RAB1A: variants seen among roughly 807,000 people sequenced by gnomAD.
The protein encoded by RAB1A is RAB1A, member RAS oncogene family, also known as ras-related protein Rab-1A.
RAB1A carries 2 observed loss-of-function variants against 26.0 expected under a neutral mutation model. That is an observed-to-expected ratio of 0.08 (90% CI 0.03 to 0.24). RAB1A has a LOEUF of 0.24. Ranked by LOEUF, RAB1A falls within the 10% of genes least tolerant of loss-of-function variation. The pLI, the probability that RAB1A is intolerant of heterozygous loss-of-function variation, is 1.00. For synonymous variants in RAB1A, 84 were observed against 84.9 expected, an observed-to-expected ratio of 0.99 and a Z score of 0.06; for missense variants, 100 against 247.0, an observed-to-expected ratio of 0.40 and a Z score of 3.99.
intron 2 of RAB1A, among the ~76,000 whole-genome samples, chr2:65,104,405 A>G (rs938423504): frequency 6.6e-6 from 1 of 152,120 alleles, no homozygotes; most frequent in African/African-American, 2.4e-5. Flanking sequence ...TAATTTAAAG[A>G]TTTATTTTCA....
At chr2:65,114,161 T>G (rs756928554) in intron 1 of RAB1A, 2 of 451,156 alleles carry the variant, frequency 4.4e-6, no homozygotes, top group African/African-American at 4.1e-5. Context: ...AATATACTGT[T>G]TTCTTCTTTC....
At chr2:65,106,345 C>T in intron 1 of RAB1A, 1 of 312,770 alleles carries the variant, frequency 3.2e-6, no homozygotes, top group South Asian at 2.4e-5. Context: ...AAAGTGAAAA[C>T]CACGTCACAA....
At chr2:65,116,173 T>A (rs184549021) in intron 1 of RAB1A, among the ~76,000 whole-genome samples, 79 of 151,672 alleles carry the variant, frequency 5.2e-4, no homozygotes, top group South Asian at 3.8e-3. Flanking sequence ...ATAAATAAAT[T>A]AAATAAAATA....
At chr2:65,119,792 C>T (rs1380205749) in intron 1 of RAB1A, among the ~76,000 whole-genome samples, 1 of 116,340 alleles carries the variant, frequency 8.6e-6, no homozygotes, top group Non-Finnish European at 1.6e-5. Context: ...ACTGCTTGAG[C>T]CAAGGAGCCA....
intron 2 of RAB1A, among the ~76,000 whole-genome samples, chr2:65,102,263 GCT>G (rs1491126130): frequency 6.6e-6 from 1 of 151,820 alleles, no homozygotes; most frequent in East Asian, 1.9e-4. Flanking sequence ...GTGATTTCTT[GCT>G]TTTTTCTTAT....
rs1005339445 is a variant in RAB1A, at chr2:65,114,798, T to C, written c.24-9992A>G. Among the ~76,000 whole-genome samples, 6 of 151,844 alleles carry C rather than the reference T, an allele frequency of 4.0e-5. No individual in the cohort carries two copies. In the East Asian group the frequency reaches 7.7e-4, roughly 19 times the overall value. ...AGGCGGAGCTTGCAGTGAGCCGAGA[T>C]TGCGCCACTGCAGTCCGCAGTCCGG... On this transcript the variant is annotated intron_variant, in intron 1 of 5. Transcript: ENST00000409784.
intron 1 of RAB1A, among the ~76,000 whole-genome samples, chr2:65,125,905 T>C (rs1186648953): frequency 7.4e-6 from 1 of 135,764 alleles, no homozygotes; most frequent in Non-Finnish European, 1.6e-5. Context: ...CAAGTCTTGC[T>C]CTGTTGCCCA....
intron 1 of RAB1A, among the ~76,000 whole-genome samples, chr2:65,124,403 G>A (rs1055945524): frequency 6.6e-6 from 1 of 151,952 alleles, no homozygotes; most frequent in Non-Finnish European, 1.5e-5. Context: ...AGGCACAGTC[G>A]CTACAAAAAA....
At chr2:65,123,227 G>T (rs1670014774) in intron 1 of RAB1A, among the ~76,000 whole-genome samples, 1 of 147,436 alleles carries the variant, frequency 6.8e-6, no homozygotes, top group African/African-American at 2.5e-5. Context: ...CTGGAGTGCA[G>T]TGGCGCGATC....
intron 3 of RAB1A, among the ~76,000 whole-genome samples, chr2:65,092,936 C>G (rs966557066): frequency 1.1e-4 from 16 of 152,228 alleles, no homozygotes; most frequent in African/African-American, 3.9e-4. Context: ...TCCCCCTTCA[C>G]TTCCTTCACA....
intron 1 of RAB1A, among the ~76,000 whole-genome samples, chr2:65,121,018 G>A (rs1403046501): frequency 6.6e-6 from 1 of 152,032 alleles, no homozygotes; most frequent in African/African-American, 2.4e-5. Context: ...CACTTTGAGA[G>A]GCTCAGGCAG....
At chr2:65,110,624 G>A (rs899100570) in intron 1 of RAB1A, among the ~76,000 whole-genome samples, 5 of 151,962 alleles carry the variant, frequency 3.3e-5, no homozygotes, top group African/African-American at 1.2e-4. Flanking sequence ...AAAATGACCA[G>A]TAGCACTACA....
chr2:65,105,961 C>G (rs1369553754), intron 1 of RAB1A, among the ~76,000 whole-genome samples: 1 of 152,146 alleles, frequency 6.6e-6, no homozygotes, highest in South Asian at 2.1e-4. Flanking sequence ...CGGGTTTCAC[C>G]GTGTTGGCCA....
At chr2:65,096,215 T>C (rs182257943) in intron 3 of RAB1A, among the ~76,000 whole-genome samples, 195 of 151,898 alleles carry the variant, frequency 1.3e-3, no homozygotes, top group Non-Finnish European at 2.4e-3. Context: ...TTAGGGAGGC[T>C]AAGGCAGGAG....
intron 4 of RAB1A, among the ~76,000 whole-genome samples, chr2:65,089,534 CTATAAA>C (rs1243221082): frequency 6.6e-6 from 1 of 152,056 alleles, no homozygotes; most frequent in African/African-American, 2.4e-5. Flanking sequence ...ATTAAAATGA[CTATAAA>C]TATCTAAACA....
chr2:65,114,682 A>G (rs1435931916), intron 1 of RAB1A, among the ~76,000 whole-genome samples: 1 of 151,958 alleles, frequency 6.6e-6, no homozygotes, highest in Non-Finnish European at 1.5e-5. Flanking sequence ...TCTCTACTAA[A>G]AAAATACAAA....
At chr2:65,109,000 C>A (rs778496152) in intron 1 of RAB1A, among the ~76,000 whole-genome samples, 2 of 152,284 alleles carry the variant, frequency 1.3e-5, no homozygotes, top group Non-Finnish European at 2.9e-5. Flanking sequence ...ATCAAACCCA[C>A]AAACTTCCCC....
In RAB1A at chr2:65,089,702, A is replaced by ATTTTTTT. The variant is rs58993413; in HGVS notation, c.289-639_289-633dup. ...AAAACCTGGTTTTGAAATTTGATTA[A>ATTTTTTT]TTTTTTTTTTTTTTTTTTGAGACAA... On this transcript the variant is annotated intron_variant, in intron 4 of 5. Coordinates refer to ENST00000409784, the MANE Select transcript of RAB1A (RefSeq NM_004161.5). Among the ~76,000 whole-genome samples, 273 of 141,944 alleles carry ATTTTTTT rather than the reference A, an allele frequency of 1.9e-3. 5 individuals carry two copies. The highest frequency in any genetic ancestry group is 0.011 in the Middle Eastern group (3 of 274). 93.1% of individuals were successfully genotyped at this position (141,944 alleles called of 152,430 possible).
intron 4 of RAB1A, among the ~76,000 whole-genome samples, 198 bp downstream of exon 4, chr2:65,090,785 C>G (rs1481672558): frequency 6.6e-6 from 1 of 152,194 alleles, no homozygotes; most frequent in East Asian, 1.9e-4. Flanking sequence ...AAACGTAAAA[C>G]TAATTACTAA....
Sources: allele counts gnomAD v4.1 joint callset (sites outside exome capture counted in the v4.1 genomes callset), GRCh38; gene constraint gnomAD v4.1.1; transcripts MANE v1.5; gene names NCBI Gene and HGNC (gene_info 2026-07-23, HGNC 2026-07-21).